TMEM108: variants seen among roughly 807,000 people sequenced by gnomAD.
TMEM108 encodes the protein cancer/testis antigen 124.
In TMEM108, 12 loss-of-function variants were observed where a neutral mutation model predicts 35.1. The ratio of observed to expected loss-of-function variants is 0.34; its 90% confidence interval spans 0.22 to 0.55. The LOEUF (loss-of-function observed/expected upper bound fraction) is 0.55, where lower values mean the gene tolerates loss of function less well. TMEM108 is among the 20% of genes least tolerant of loss of function. TMEM108 has a pLI of 0.89. For missense variants in TMEM108, 680 were observed against 753.3 expected (o/e 0.90, Z 1.14); for synonymous variants, 287 against 308.6 (o/e 0.93, Z 0.73).
chr3:133,065,679 T>A (rs111640855), intron 2 of TMEM108, among the ~76,000 whole-genome samples: 2 of 152,166 alleles, frequency 1.3e-5, no homozygotes, highest in African/African-American at 4.8e-5. Context: ...TAAAAAAAAT[T>A]TATGTCCATA....
chr3:133,390,050 C>A, intron 4 of TMEM108, 130 bp from the exon 5 acceptor site: 1 of 1,115,074 alleles, frequency 9.0e-7, no homozygotes, highest in Non-Finnish European at 1.3e-6. Flanking sequence ...TTGTACAGTT[C>A]ACCATGCCCT....
intron 3 of TMEM108, among the ~76,000 whole-genome samples, chr3:133,267,871 C>G (rs1237841743): frequency 2.6e-5 from 4 of 152,198 alleles, no homozygotes; most frequent in Non-Finnish European, 5.9e-5. Context: ...GAAGAGAGGG[C>G]AAGGTGAACA....
At chr3:133,207,901 A>G (rs555488821) in intron 2 of TMEM108, among the ~76,000 whole-genome samples, 1 of 152,332 alleles carries the variant, frequency 6.6e-6, no homozygotes, top group South Asian at 2.1e-4. Context: ...TGTTTGAACT[A>G]ATGAGCTGTA....
intron 4 of TMEM108, 112 bp downstream of exon 4, chr3:133,381,273 C>A: frequency 8.3e-7 from 1 of 1,199,032 alleles, no homozygotes; most frequent in Non-Finnish European, 1.2e-6. Flanking sequence ...ACAAAAATTC[C>A]CAGAATCTCA....
intron 2 of TMEM108, among the ~76,000 whole-genome samples, chr3:133,062,165 C>T (rs1318851403): frequency 6.6e-6 from 1 of 152,176 alleles, no homozygotes; most frequent in Non-Finnish European, 1.5e-5. Context: ...CTTAGTCATT[C>T]CTTCATCCAG....
intron 2 of TMEM108, among the ~76,000 whole-genome samples, chr3:133,219,600 T>G (rs748999566): frequency 1.3e-5 from 2 of 152,152 alleles, no homozygotes; most frequent in Non-Finnish European, 2.9e-5. Context: ...TATTCTTTGG[T>G]TGCTCAGGGG....
At chr3:133,176,389 G>T (rs1046713521) in intron 2 of TMEM108, among the ~76,000 whole-genome samples, 1 of 151,946 alleles carries the variant, frequency 6.6e-6, no homozygotes. Context: ...GCACCACATC[G>T]CTCTTATTCC....
chr3:133,147,712 A>G (rs1050872748), intron 2 of TMEM108, among the ~76,000 whole-genome samples: 2 of 152,162 alleles, frequency 1.3e-5, no homozygotes, highest in Admixed American at 6.5e-5. Flanking sequence ...TATTTAAAGA[A>G]TCTCAATGAC....
At chr3:133,073,388 C>G (rs779400247) in intron 2 of TMEM108, among the ~76,000 whole-genome samples, 1 of 148,578 alleles carries the variant, frequency 6.7e-6, no homozygotes, top group Non-Finnish European at 1.5e-5. Flanking sequence ...TTTGTCTTTC[C>G]GTGCCTGGCT....
At chr3:133,263,032 C>G (rs1194053194) in intron 3 of TMEM108, among the ~76,000 whole-genome samples, 2 of 152,126 alleles carry the variant, frequency 1.3e-5, no homozygotes, top group Non-Finnish European at 2.9e-5. Flanking sequence ...AGATCATAGG[C>G]AAGGGTTTGT....
intron 4 of TMEM108, among the ~76,000 whole-genome samples, chr3:133,386,233 T>C (rs2073145784): frequency 6.6e-6 from 1 of 152,212 alleles, no homozygotes; most frequent in African/African-American, 2.4e-5. Flanking sequence ...TTAGGTCTTA[T>C]CTTAGCATCT....
At chr3:133,213,239 G>A (rs781653937) in intron 2 of TMEM108, among the ~76,000 whole-genome samples, 6 of 152,200 alleles carry the variant, frequency 3.9e-5, no homozygotes, top group African/African-American at 4.8e-5. Context: ...GAAAGGGAGA[G>A]ACATATGATG....
chr3:133,177,552 C>T (rs976538326), intron 2 of TMEM108, among the ~76,000 whole-genome samples: 1 of 152,136 alleles, frequency 6.6e-6, no homozygotes, highest in Non-Finnish European at 1.5e-5. Context: ...ATAAACAGAA[C>T]CAACGACAAA....
intron 3 of TMEM108, among the ~76,000 whole-genome samples, chr3:133,376,631 C>G (rs1445735658): frequency 6.6e-6 from 1 of 152,158 alleles, no homozygotes; most frequent in Non-Finnish European, 1.5e-5. Flanking sequence ...GTGTTCTTTT[C>G]AGGCAGACAA....
At chr3:133,128,834 A>G (rs1944450466) in intron 2 of TMEM108, among the ~76,000 whole-genome samples, 1 of 152,178 alleles carries the variant, frequency 6.6e-6, no homozygotes, top group Non-Finnish European at 1.5e-5. Context: ...TTCATTGTTC[A>G]CTTAGAGGTT....
chr3:133,168,498 G>A (rs1386759558), intron 2 of TMEM108, among the ~76,000 whole-genome samples: 1 of 152,086 alleles, frequency 6.6e-6, no homozygotes, highest in Non-Finnish European at 1.5e-5. Flanking sequence ...TGGGTCGGGT[G>A]GGAACTTGGA....
At chr3:133,379,199 A>T (rs562254635) in intron 3 of TMEM108, among the ~76,000 whole-genome samples, 1 of 152,320 alleles carries the variant, frequency 6.6e-6, no homozygotes, top group South Asian at 2.1e-4. Context: ...AATGGTCCTG[A>T]AGGGACAGAG....
intron 2 of TMEM108, among the ~76,000 whole-genome samples, chr3:133,153,715 G>A (rs1944834262): frequency 6.6e-6 from 1 of 152,156 alleles, no homozygotes; most frequent in African/African-American, 2.4e-5. Flanking sequence ...TTATGGAAAT[G>A]ACTTAATGAT....
Position 133,273,452 on chromosome 3 carries a change from C to T in TMEM108, c.40+44101C>T, listed in dbSNP as rs192525744. Reference sequence around the variant, plus strand: ...CTATTGATAGTCAAACTAAACACCACGTCTACCTCCCACACCTTCCTTCCC... The same window carrying T: ...CTATTGATAGTCAAACTAAACACCATGTCTACCTCCCACACCTTCCTTCCC... On this transcript the variant is annotated intron_variant, in intron 3 of 5. Transcript: ENST00000321871. Among the ~76,000 whole-genome samples the T allele has an allele frequency of 7.2e-5, 11 of 152,300 alleles. No homozygotes were observed. The East Asian group carries it at 9.7e-4, about 13-fold the overall frequency.
Sources: allele counts gnomAD v4.1 joint callset (sites outside exome capture counted in the v4.1 genomes callset), GRCh38; gene constraint gnomAD v4.1.1; transcripts MANE v1.5; gene names NCBI Gene and HGNC (gene_info 2026-07-23, HGNC 2026-07-21).